The following PARD3 variants were observed in gnomAD, a reference collection of about 807,000 sequenced individuals.
PARD3 encodes partitioning defective 3 homolog.
A neutral mutation model predicts 155.4 loss-of-function variants in PARD3; 75 were observed. That is an observed-to-expected ratio of 0.48 (90% CI 0.40 to 0.58). PARD3 has a LOEUF of 0.58. Ranked by LOEUF, PARD3 falls within the 20% of genes least tolerant of loss-of-function variation. PARD3 has a pLI of 0.00. For synonymous variants in PARD3, 576 were observed against 610.5 expected (o/e 0.94, Z 0.83); for missense variants, 1,642 against 1,721.7 (o/e 0.95, Z 0.82).
In PARD3 at chr10:34,793,794, A is replaced by T. The variant is rs1017274108; in HGVS notation, c.120+21082T>A. 3.8e-3 allele frequency among the ~76,000 whole-genome samples: 530 copies of T among 139,364 alleles called. 3 individuals carry two copies. Among genetic ancestry groups the T allele is most frequent in the African/African-American group, 0.013 (467 of 35,478 alleles). The allele number at this position is 139,364 out of a possible 152,430, so 91.4% of individuals were successfully genotyped here. A position where few individuals can be genotyped will look rare whatever the true frequency, so the allele number is the denominator to read the frequency against. On this transcript the variant is annotated intron_variant, in intron 1 of 24. Transcript: ENST00000374788. ...ACTCCATCTCAAAAAAAAAAAAAAAATTTTACTCTGGGGAAACATGAAGGG... is the reference window on the plus strand; with the variant it reads ...ACTCCATCTCAAAAAAAAAAAAAAATTTTTACTCTGGGGAAACATGAAGGG...
At chr10:34,530,140 G>A (rs2082745191) in intron 2 of PARD3, among the ~76,000 whole-genome samples, 1 of 152,174 alleles carries the variant, frequency 6.6e-6, no homozygotes, top group South Asian at 2.1e-4. Context: ...GCTGTCTCAG[G>A]GGTGGCAGAG....
chr10:34,264,538 T>C (rs1465700664), intron 22 of PARD3, among the ~76,000 whole-genome samples: 2 of 152,142 alleles, frequency 1.3e-5, no homozygotes, highest in African/African-American at 4.8e-5. Flanking sequence ...TTCCTTCATG[T>C]AGCCTACAAC....
Position 34,696,227 on chromosome 10 carries a change from C to G in PARD3, c.222+91G>C, listed in dbSNP as rs1234303535. 4.1e-6 allele frequency: 3 copies of G among 729,252 alleles called. No individual in the cohort carries two copies. In the African/African-American group the frequency reaches 5.3e-5, roughly 13 times the overall value. The allele number at this position is 729,252 out of a possible 1,614,324, so 45.2% of individuals were successfully genotyped here. On this transcript the variant is annotated intron_variant, in intron 2 of 24. Transcript: ENST00000374788. ...CCCACACATAATTTAAAGTATGTGT[C>G]TAAAACAGAAAGGAAAAGAATCGCA...
chr10:34,522,693 T>C (rs1163762781), intron 2 of PARD3, among the ~76,000 whole-genome samples: 1 of 152,182 alleles, frequency 6.6e-6, no homozygotes, highest in African/African-American at 2.4e-5. Flanking sequence ...AGAAAATGCA[T>C]GTTCAACATA....
At chr10:34,486,661 G>A (rs1213607256) in intron 3 of PARD3, among the ~76,000 whole-genome samples, 1 of 152,170 alleles carries the variant, frequency 6.6e-6, no homozygotes, top group Middle Eastern at 3.2e-3. Context: ...AAAGGTTGAT[G>A]TGCACAGAAA....
chr10:34,576,015 G>A (rs929130251), intron 2 of PARD3, among the ~76,000 whole-genome samples: 3 of 152,172 alleles, frequency 2.0e-5, no homozygotes, highest in African/African-American at 4.8e-5. Flanking sequence ...TCATAAGAAC[G>A]AGTCAGGGAA....
rs11422944 is a variant in PARD3 at position 34,161,258 on chromosome 10, A to AAAG, written c.3420-29678_3420-29676dup. Among the ~76,000 whole-genome samples, 460 of 151,354 alleles carry AAAG rather than the reference A, an allele frequency of 3.0e-3. 5 individuals carry two copies. The highest frequency in any genetic ancestry group is 5.8e-3 in the Non-Finnish European group (395 of 67,762). ...AGACCCTGTCTTGAAAAAAAAAAAA[A>AAAG]AAGAAGAGAATCGAGTGAGAATTAG... On this transcript the variant is annotated intron_variant, in intron 22 of 24. Transcript: ENST00000374788.
chr10:34,360,921 T>C (rs1342343796), intron 12 of PARD3, among the ~76,000 whole-genome samples: 2 of 152,200 alleles, frequency 1.3e-5, no homozygotes, highest in African/African-American at 2.4e-5. Context: ...TTTAACTTCA[T>C]AGTCACCAAG....
At chr10:34,331,056 G>A in intron 19 of PARD3, 61 bp downstream of exon 19, 1 of 1,333,558 alleles carries the variant, frequency 7.5e-7, no homozygotes, top group East Asian at 2.3e-5. Flanking sequence ...GCTCCCTGGA[G>A]CTCACTTTAA....
intron 1 of PARD3, among the ~76,000 whole-genome samples, chr10:34,801,453 C>G (rs568779404): frequency 1.3e-5 from 2 of 152,156 alleles, no homozygotes; most frequent in South Asian, 2.1e-4. Context: ...ATGAAAAAGA[C>G]GGATGAGAGG....
intron 19 of PARD3, among the ~76,000 whole-genome samples, chr10:34,328,321 G>T (rs150087675): frequency 2.6e-5 from 4 of 152,216 alleles, no homozygotes. Context: ...AATAGATGGG[G>T]TGTTTTCCAC....
At chr10:34,589,433 C>T (rs2088432874) in intron 2 of PARD3, among the ~76,000 whole-genome samples, 1 of 151,936 alleles carries the variant, frequency 6.6e-6, no homozygotes, top group African/African-American at 2.4e-5. Context: ...ATATGACTGG[C>T]ATCCTTAGAA....
At chr10:34,395,307 T>C (rs1014893294) in intron 7 of PARD3, among the ~76,000 whole-genome samples, 2 of 152,128 alleles carry the variant, frequency 1.3e-5, no homozygotes, top group African/African-American at 2.4e-5. Flanking sequence ...AGTGCTAGGA[T>C]TACAGGCGTG....
intron 22 of PARD3, among the ~76,000 whole-genome samples, chr10:34,194,653 T>C (rs1361018275): frequency 1.3e-5 from 2 of 149,442 alleles, no homozygotes; most frequent in South Asian, 2.1e-4. Context: ...CACTTTTTTT[T>C]CCCCTCCATG....
chr10:34,326,182 G>A (rs1835012309), intron 19 of PARD3, among the ~76,000 whole-genome samples: 1 of 149,050 alleles, frequency 6.7e-6, no homozygotes, highest in Non-Finnish European at 1.5e-5. Context: ...AAACACTTCA[G>A]ATGTCAATAT....
intron 20 of PARD3, among the ~76,000 whole-genome samples, chr10:34,296,345 C>T (rs2133994474): frequency 6.6e-6 from 1 of 152,096 alleles, no homozygotes; most frequent in Admixed American, 6.6e-5. Context: ...ATTCTGCCGC[C>T]TCAGCCTCCT....
chr10:34,368,142 C>A (rs1431173986), intron 12 of PARD3, among the ~76,000 whole-genome samples: 7 of 152,190 alleles, frequency 4.6e-5, no homozygotes, highest in Non-Finnish European at 8.8e-5. Context: ...TGCAACTACT[C>A]AAAAGGCTGA....
rs1564404959 is a variant in PARD3 at position 34,605,536 on chromosome 10, C to CAT, written c.223-88378_223-88377insAT. Among the ~76,000 whole-genome samples, 90 of 13,970 alleles carry CAT rather than the reference C, an allele frequency of 6.4e-3. 9 individuals carry two copies. Among genetic ancestry groups the CAT allele is most frequent in the African/African-American group, 0.032 (87 of 2,720 alleles). The allele number at this position is 13,970 out of a possible 152,430, so 9.2% of individuals were successfully genotyped here. On this transcript the variant is annotated intron_variant, in intron 2 of 24. Transcript: ENST00000374788. ...ATATATATATCTCCTATATATATCT[C>CAT]CTATATATATATATATATATCTCCT...
chr10:34,557,749 C>G (rs960126087), intron 2 of PARD3, among the ~76,000 whole-genome samples: 1 of 151,932 alleles, frequency 6.6e-6, no homozygotes, highest in Non-Finnish European at 1.5e-5. Context: ...TGAGCCACTG[C>G]ACCCGGCCTC....
Sources: allele counts gnomAD v4.1 joint callset (sites outside exome capture counted in the v4.1 genomes callset), GRCh38; gene constraint gnomAD v4.1.1; transcripts MANE v1.5; gene names NCBI Gene and HGNC (gene_info 2026-07-23, HGNC 2026-07-21).